Variants in RASEF observed in about 807,000 individuals in gnomAD.
RASEF encodes ras and EF-hand domain-containing protein.
A neutral mutation model predicts 90.1 loss-of-function variants in RASEF; 68 were observed. That is an observed-to-expected ratio of 0.75 (90% CI 0.62 to 0.92). The LOEUF (loss-of-function observed/expected upper bound fraction) is 0.92, where lower values mean the gene tolerates loss of function less well. Among genes scored for constraint, RASEF ranks in the 40% least tolerant of loss-of-function variants. RASEF has a pLI of 0.00. For synonymous variants in RASEF, 331 were observed against 345.2 expected, an observed-to-expected ratio of 0.96 and a Z score of 0.46; for missense variants, 949 against 937.2, an observed-to-expected ratio of 1.01 and a Z score of -0.16.
the RASEF span, among the ~76,000 whole-genome samples, chr9:83,215,266 G>A: frequency 2.6e-5 from 4 of 152,036 alleles, no homozygotes; most frequent in African/African-American, 7.2e-5. Context: ...TGTGTGACCC[G>A]ATTCTTCTGG....
At chr9:83,204,252 G>T in the RASEF span, among the ~76,000 whole-genome samples, 1 of 152,090 alleles carries the variant, frequency 6.6e-6, no homozygotes, top group Non-Finnish European at 1.5e-5. Context: ...ACTAGATGGA[G>T]GACACGACAC....
At chr9:83,095,626 A>G in the RASEF span, among the ~76,000 whole-genome samples, 1 of 151,954 alleles carries the variant, frequency 6.6e-6, no homozygotes, top group Non-Finnish European at 1.5e-5. Flanking sequence ...TTCATACCAG[A>G]CTATACAAAA....
chr9:83,023,958 T>C (rs1829490375), intron 2 of RASEF, among the ~76,000 whole-genome samples: 1 of 152,192 alleles, frequency 6.6e-6, no homozygotes, highest in Non-Finnish European at 1.5e-5. Context: ...CAATTTCCAA[T>C]TTCTGGTGAA....
the RASEF span, among the ~76,000 whole-genome samples, chr9:83,204,412 A>G: frequency 6.6e-6 from 1 of 152,208 alleles, no homozygotes; most frequent in Non-Finnish European, 1.5e-5. Flanking sequence ...TGGGTTCAAG[A>G]TATAAGGTTC....
intron 3 of RASEF, among the ~76,000 whole-genome samples, chr9:83,018,207 C>A (rs1350332584): frequency 1.8e-5 from 2 of 111,594 alleles, no homozygotes; most frequent in African/African-American, 8.6e-5. Context: ...TAATATATTT[C>A]ATAATCATCC....
chr9:83,032,955 C>T (rs1026152435), intron 1 of RASEF, among the ~76,000 whole-genome samples: 50 of 152,198 alleles, frequency 3.3e-4, no homozygotes, highest in African/African-American at 1.1e-3. Context: ...CTCTGGGAAC[C>T]AGTTAAGTAC....
chr9:83,175,189 T>C, the RASEF span, among the ~76,000 whole-genome samples: 1 of 152,192 alleles, frequency 6.6e-6, no homozygotes, highest in South Asian at 2.1e-4. Flanking sequence ...CTTGCTTCTT[T>C]CCTAGGGGAA....
chr9:83,133,683 C>T, the RASEF span, among the ~76,000 whole-genome samples: 2 of 152,044 alleles, frequency 1.3e-5, no homozygotes, highest in African/African-American at 4.8e-5. Flanking sequence ...ATCTCAGTAA[C>T]CAAGTTAAAT....
the RASEF span, among the ~76,000 whole-genome samples, chr9:83,139,565 C>A: frequency 6.6e-6 from 1 of 151,790 alleles, no homozygotes; most frequent in African/African-American, 2.4e-5. Flanking sequence ...AGAAGTGAGC[C>A]ATTAAAAAGG....
chr9:83,117,058 G>A, the RASEF span, among the ~76,000 whole-genome samples: 4 of 152,226 alleles, frequency 2.6e-5, no homozygotes, highest in African/African-American at 9.6e-5. Context: ...TTATAAGGAA[G>A]AGAGTCGATT....
intron 16 of RASEF, among the ~76,000 whole-genome samples, chr9:82,985,060 G>T (rs1828686639): frequency 6.6e-6 from 1 of 152,168 alleles, no homozygotes; most frequent in African/African-American, 2.4e-5. Flanking sequence ...ATAAGAGCTT[G>T]GCCTGATTGG....
At chr9:83,097,239 A>C in the RASEF span, among the ~76,000 whole-genome samples, 2 of 152,216 alleles carry the variant, frequency 1.3e-5, no homozygotes, top group African/African-American at 4.8e-5. Flanking sequence ...ACTAGTTTAC[A>C]GTCCCACCAA....
rs971966109 is a variant in RASEF, at chr9:82,982,795, T to TAG, written c.2118-15_2118-14dup. 8.2e-6 allele frequency: 11 copies of TAG among 1,335,730 alleles called. No individual in the cohort carries two copies. The African/African-American group carries it at 1.5e-4, about 18-fold the overall frequency. The allele number at this position is 1,335,730 out of a possible 1,614,324, so 82.7% of individuals were successfully genotyped here. A position where few individuals can be genotyped will look rare whatever the true frequency, so the allele number is the denominator to read the frequency against. On this transcript the variant is annotated splice_polypyrimidine_tract_variant and intron_variant, in intron 16 of 16. Transcript: ENST00000376447. ...CTTTTTCACTTCTCTGAGACAGAGA[T>TAG]AGAGAGAGACAGAGAGAGAGAGAGA... is the stretch of plus-strand genomic sequence containing the variant.
the RASEF span, among the ~76,000 whole-genome samples, chr9:83,103,037 C>T: frequency 6.6e-6 from 1 of 152,192 alleles, no homozygotes; most frequent in African/African-American, 2.4e-5. Flanking sequence ...CTCTGGCCCT[C>T]CTCCTCCTTC....
chr9:83,019,850 C>T (rs933675324), intron 3 of RASEF, among the ~76,000 whole-genome samples: 1 of 152,176 alleles, frequency 6.6e-6, no homozygotes, highest in African/African-American at 2.4e-5. Context: ...CACTTCTATA[C>T]AGTTCTGAAA....
chr9:83,177,806 T>C, the RASEF span, among the ~76,000 whole-genome samples: 1 of 152,106 alleles, frequency 6.6e-6, no homozygotes, highest in African/African-American at 2.4e-5. Flanking sequence ...ATTTGGGAAG[T>C]TATTATTTCT....
At chr9:83,001,544 A>G (rs1461493601) in intron 9 of RASEF, among the ~76,000 whole-genome samples, 2 of 152,218 alleles carry the variant, frequency 1.3e-5, no homozygotes, top group Non-Finnish European at 2.9e-5. Flanking sequence ...ATCTCTACTT[A>G]AAAGGGCTGC....
At chr9:83,138,296 CT>C in the RASEF span, among the ~76,000 whole-genome samples, 1 of 152,114 alleles carries the variant, frequency 6.6e-6, no homozygotes, top group African/African-American at 2.4e-5. Context: ...CAACTAAATG[CT>C]TTGCAATTCT....
At chr9:83,049,374 C>T in intron 1 of RASEF, 1 of 979,084 alleles carries the variant, frequency 1.0e-6, no homozygotes, top group Non-Finnish European at 1.2e-6. Context: ...GCGGGACTGG[C>T]TCATACATGG....
Sources: allele counts gnomAD v4.1 joint callset (sites outside exome capture counted in the v4.1 genomes callset), GRCh38; gene constraint gnomAD v4.1.1; transcripts MANE v1.5; gene names NCBI Gene and HGNC (gene_info 2026-07-23, HGNC 2026-07-21).